WDR43: variants seen among roughly 807,000 people sequenced by gnomAD.
WDR43 encodes the protein WD repeat-containing protein 43.
In WDR43, 13 loss-of-function variants were observed where a neutral mutation model predicts 91.4. That is an observed-to-expected ratio of 0.14 (90% confidence interval 0.09 to 0.23). The LOEUF (loss-of-function observed/expected upper bound fraction) is 0.23. WDR43 is among the 10% of genes least tolerant of loss of function. The probability of loss-of-function intolerance (pLI) is 1.00; values close to 1 mark genes in which losing one functional copy is unlikely to be tolerated. For synonymous variants in WDR43, 331 were observed against 287.9 expected (o/e 1.15, Z -1.51); for missense variants, 780 against 809.4 (o/e 0.96, Z 0.44).
At chr2:28,896,559 A>G (rs1476361737) in intron 1 of WDR43, among the ~76,000 whole-genome samples, 5 of 152,218 alleles carry the variant, frequency 3.3e-5, no homozygotes, top group African/African-American at 1.2e-4. Flanking sequence ...AAAGTAAAAA[A>G]TGGAACCAGG....
intron 10 of WDR43, among the ~76,000 whole-genome samples, chr2:28,928,616 C>T (rs565015741): frequency 2.0e-5 from 3 of 152,264 alleles, no homozygotes; most frequent in African/African-American, 7.2e-5. Flanking sequence ...GCTGACAGAA[C>T]ATGTTAGACT....
rs1352504465 is a variant in WDR43 at position 28,938,010 on chromosome 2, T to C, written c.1620+16T>C. 2 of 1,611,480 alleles carry C rather than the reference T, an allele frequency of 1.2e-6. No individual in the cohort carries two copies. The highest frequency in any genetic ancestry group is 1.1e-5 in the South Asian group (1 of 90,900). On this transcript the variant is annotated intron_variant, in intron 14 of 17. Transcript: ENST00000407426. The stretch of plus-strand genomic sequence containing the variant: ...CCTGTCCACGGTGAGTCTTTTCAGC[T>C]TCTGTTGCCGAGTATGAATAGTTTG...
intron 16 of WDR43, among the ~76,000 whole-genome samples, chr2:28,943,578 G>A (rs1671487869): frequency 6.6e-6 from 1 of 152,122 alleles, no homozygotes; most frequent in Non-Finnish European, 1.5e-5. Context: ...GAAGTGTAGG[G>A]TTACAGAGTT....
intron 16 of WDR43, 132 bp from the exon 17 acceptor site, chr2:28,946,318 T>C: frequency 1.0e-6 from 1 of 955,388 alleles, no homozygotes; most frequent in Non-Finnish European, 1.5e-6. Context: ...TAATGTTATT[T>C]CTTAGTTGGA....
chr2:28,944,341 A>G (rs1205916706), intron 16 of WDR43, among the ~76,000 whole-genome samples: 3 of 152,264 alleles, frequency 2.0e-5, no homozygotes, highest in Non-Finnish European at 2.9e-5. Context: ...CAGATTAAAT[A>G]TTCTTAAATT....
At chr2:28,915,131 T>A (rs1670881626) in intron 5 of WDR43, among the ~76,000 whole-genome samples, 1 of 152,112 alleles carries the variant, frequency 6.6e-6, no homozygotes, top group Non-Finnish European at 1.5e-5. Context: ...ATAATACTCA[T>A]TTAGAAGTGG....
At chr2:28,916,025 T>A (rs1670902377) in intron 5 of WDR43, among the ~76,000 whole-genome samples, 1 of 152,224 alleles carries the variant, frequency 6.6e-6, no homozygotes, top group African/African-American at 2.4e-5. Flanking sequence ...AACAGCTATA[T>A]TGAAGTATAG....
intron 3 of WDR43, among the ~76,000 whole-genome samples, chr2:28,911,638 CT>C (rs35435629): frequency 3.4e-5 from 5 of 145,270 alleles, no homozygotes; most frequent in South Asian, 2.2e-4. Context: ...TGTTACTTGC[CT>C]TTTTTTTTTG....
intron 3 of WDR43, 72 bp downstream of exon 3, chr2:28,906,653 ATTAATAAGG>A: frequency 3.3e-6 from 5 of 1,532,742 alleles, no homozygotes; most frequent in Non-Finnish European, 4.4e-6. Flanking sequence ...GAATGCAGAC[ATTAATAAGG>A]TTATAGGTTC....
At chr2:28,937,537 A>G (rs1403180280) in intron 13 of WDR43, among the ~76,000 whole-genome samples, 2 of 151,882 alleles carry the variant, frequency 1.3e-5, no homozygotes, top group African/African-American at 4.9e-5. Flanking sequence ...TTTTAATGTT[A>G]ATGGAGGACT....
At chr2:28,936,860 G>A in intron 12 of WDR43, 62 bp from the exon 13 acceptor site, 1 of 1,381,762 alleles carries the variant, frequency 7.2e-7, no homozygotes, top group South Asian at 1.3e-5. Flanking sequence ...TTGTATCATA[G>A]GAATTGACAG....
At chr2:28,904,577 G>C (rs1350676141) in intron 2 of WDR43, among the ~76,000 whole-genome samples, 1 of 152,140 alleles carries the variant, frequency 6.6e-6, no homozygotes, top group South Asian at 2.1e-4. Context: ...GACTAAAAAT[G>C]CCACTTTGTT....
At chr2:28,923,810 A>G (rs556845340) in intron 7 of WDR43, among the ~76,000 whole-genome samples, 3 of 152,152 alleles carry the variant, frequency 2.0e-5, no homozygotes, top group African/African-American at 7.2e-5. Context: ...TATAATTGAG[A>G]CTCAGAAGAA....
chr2:28,943,869 A>G (rs1671492493), intron 16 of WDR43, among the ~76,000 whole-genome samples: 1 of 152,202 alleles, frequency 6.6e-6, no homozygotes, highest in Non-Finnish European at 1.5e-5. Context: ...ATGGGAGCTC[A>G]TGCTGTGGTG....
intron 11 of WDR43, among the ~76,000 whole-genome samples, chr2:28,933,984 T>C (rs898550560): frequency 6.6e-6 from 1 of 152,134 alleles, no homozygotes; most frequent in African/African-American, 2.4e-5. Context: ...CTGCTAGATA[T>C]TTACCAGGAG....
At chr2:28,915,167 A>G (rs1198348783) in intron 5 of WDR43, among the ~76,000 whole-genome samples, 1 of 152,204 alleles carries the variant, frequency 6.6e-6, no homozygotes, top group Non-Finnish European at 1.5e-5. Flanking sequence ...TATTCCTTAA[A>G]AAGGTAGTTG....
chr2:28,909,411 G>T (rs146079331), intron 3 of WDR43, among the ~76,000 whole-genome samples: 2 of 152,132 alleles, frequency 1.3e-5, no homozygotes, highest in African/African-American at 4.8e-5. Context: ...GGGATTACAG[G>T]TGTGAGCTAC....
At chr2:28,907,377 C>T (rs1468834944) in intron 3 of WDR43, among the ~76,000 whole-genome samples, 1 of 146,028 alleles carries the variant, frequency 6.8e-6, no homozygotes, top group African/African-American at 2.5e-5. Flanking sequence ...AATCCCAGCA[C>T]TTTGGGAGGC....
intron 11 of WDR43, among the ~76,000 whole-genome samples, chr2:28,932,263 A>C (rs1013352339): frequency 1.3e-5 from 2 of 152,148 alleles, no homozygotes; most frequent in African/African-American, 4.8e-5. Context: ...TCCCAGGTTC[A>C]AGCGATTCTC....
Sources: allele counts gnomAD v4.1 joint callset (sites outside exome capture counted in the v4.1 genomes callset), GRCh38; gene constraint gnomAD v4.1.1; transcripts MANE v1.5; gene names NCBI Gene and HGNC (gene_info 2026-07-23, HGNC 2026-07-21).